LRRC4C: variants seen among roughly 807,000 people sequenced by gnomAD.
LRRC4C encodes the protein leucine rich repeat containing 4C.
Under a neutral mutation model 33.6 loss-of-function variants are expected in LRRC4C, and 5 were observed. The observed-to-expected ratio is 0.15, with a 90% CI of 0.08 to 0.31. The LOEUF (loss-of-function observed/expected upper bound fraction) is 0.31, where lower values mean the gene tolerates loss of function less well. Among genes scored for constraint, LRRC4C ranks in the 10% least tolerant of loss-of-function variants. LRRC4C has a pLI of 1.00. For missense variants in LRRC4C, 560 were observed against 796.7 expected, an observed-to-expected ratio of 0.70 and a Z score of 3.58; for synonymous variants, 329 against 302.0, an observed-to-expected ratio of 1.09 and a Z score of -0.93.
chr11:40,787,499 T>A (rs1950459411), intron 2 of LRRC4C, among the ~76,000 whole-genome samples: 1 of 152,216 alleles, frequency 6.6e-6, no homozygotes, highest in Non-Finnish European at 1.5e-5. Flanking sequence ...TTCAACGTGA[T>A]CCCATCTAGT....
chr11:40,933,097 T>G (rs1406140212), intron 2 of LRRC4C, among the ~76,000 whole-genome samples: 4 of 152,116 alleles, frequency 2.6e-5, no homozygotes, highest in Non-Finnish European at 4.4e-5. Context: ...TAAAGCTAAG[T>G]GTAGTGTCTG....
chr11:40,226,705 A>G (rs755117325), intron 5 of LRRC4C, among the ~76,000 whole-genome samples: 1 of 152,200 alleles, frequency 6.6e-6, no homozygotes, highest in Non-Finnish European at 1.5e-5. Context: ...AATAAGCGCT[A>G]TGATCCTGAG....
At chr11:41,215,081 CA>C (rs948789863) in intron 1 of LRRC4C, among the ~76,000 whole-genome samples, 4 of 145,214 alleles carry the variant, frequency 2.8e-5, no homozygotes, top group Non-Finnish European at 4.5e-5. Context: ...AATTTATATG[CA>C]AAAAAATCAC....
rs1948174513 is a variant in LRRC4C, at chr11:41,239,718, C to A, written c.-496+219713G>T. ...TGTACTTTTGTTTTTCTCTTCCATT[C>A]CAACAGAACATGAGTTCCAAGGTCA... On this transcript the variant is annotated intron_variant, in intron 1 of 6. Transcript: ENST00000528697. 3.3e-5 allele frequency among the ~76,000 whole-genome samples: 5 copies of A among 152,038 alleles called. No homozygotes were observed. The South Asian group carries it at 1.0e-3, about 32-fold the overall frequency.
At chr11:40,450,429 A>C (rs984321767) in intron 3 of LRRC4C, among the ~76,000 whole-genome samples, 8 of 152,130 alleles carry the variant, frequency 5.3e-5, no homozygotes, top group African/African-American at 1.9e-4. Context: ...ATAGGTAAAA[A>C]TATTTATTAT....
chr11:40,976,181 C>A (rs1852073200), intron 1 of LRRC4C, among the ~76,000 whole-genome samples: 1 of 152,164 alleles, frequency 6.6e-6, no homozygotes. Context: ...TATCTCCTTG[C>A]ACTTGGCTTT....
At chr11:40,184,135 C>T (rs1289616269) in intron 5 of LRRC4C, among the ~76,000 whole-genome samples, 1 of 152,116 alleles carries the variant, frequency 6.6e-6, no homozygotes, top group Non-Finnish European at 1.5e-5. Flanking sequence ...TGGGACAGTT[C>T]TGGTTTATGA....
chr11:41,399,294 C>A (rs1175017236), intron 1 of LRRC4C, among the ~76,000 whole-genome samples: 1 of 151,904 alleles, frequency 6.6e-6, no homozygotes, highest in Non-Finnish European at 1.5e-5. Flanking sequence ...ATCTTGAACA[C>A]AGCAGAGGGG....
At chr11:40,633,353 C>CTT (rs1487684001) in intron 3 of LRRC4C, among the ~76,000 whole-genome samples, 3 of 39,396 alleles carry the variant, frequency 7.6e-5, no homozygotes, top group African/African-American at 4.1e-4. Flanking sequence ...TTCTTTCTTT[C>CTT]TTTCTTTCTT....
At chr11:40,434,480 G>C (rs1951062253) in intron 3 of LRRC4C, among the ~76,000 whole-genome samples, 1 of 152,146 alleles carries the variant, frequency 6.6e-6, no homozygotes, top group Non-Finnish European at 1.5e-5. Context: ...CAAGACACAC[G>C]ACTGCTCAGT....
At chr11:40,444,988 G>A (rs539644105) in intron 3 of LRRC4C, among the ~76,000 whole-genome samples, 1 of 152,288 alleles carries the variant, frequency 6.6e-6, no homozygotes, top group Non-Finnish European at 1.5e-5. Flanking sequence ...AAATCTTAGT[G>A]ATCAGTTACC....
At chr11:40,308,386 C>T (rs1945141492) in intron 4 of LRRC4C, among the ~76,000 whole-genome samples, 2 of 152,184 alleles carry the variant, frequency 1.3e-5, no homozygotes, top group Non-Finnish European at 1.5e-5. Context: ...AAATATGTTA[C>T]ATTGAATAAT....
At chr11:40,749,912 AC>A (rs1383831438) in intron 2 of LRRC4C, among the ~76,000 whole-genome samples, 2 of 152,178 alleles carry the variant, frequency 1.3e-5, no homozygotes, top group Non-Finnish European at 2.9e-5. Context: ...CTGGAAATAC[AC>A]AATCTACCAA....
intron 1 of LRRC4C, among the ~76,000 whole-genome samples, chr11:41,114,866 C>T (rs1305060911): frequency 6.6e-6 from 1 of 151,892 alleles, no homozygotes; most frequent in Non-Finnish European, 1.5e-5. Flanking sequence ...GTTGTAATAG[C>T]TTAGTAAATA....
At chr11:40,423,202 T>C (rs543799742) in intron 3 of LRRC4C, among the ~76,000 whole-genome samples, 10 of 152,228 alleles carry the variant, frequency 6.6e-5, no homozygotes, top group Middle Eastern at 3.4e-3. Flanking sequence ...TTTAAGAAAG[T>C]GATAACACAG....
rs114169698 is a variant in LRRC4C, at chr11:41,298,268, A to G, written c.-496+161163T>C. Among the ~76,000 whole-genome samples the G allele has an allele frequency of 3.0e-3, 462 of 152,268 alleles. 4 individuals are homozygous for G. Among genetic ancestry groups the G allele is most frequent in the African/African-American group, 0.011 (439 of 41,564 alleles). ...TACAAATTACAGACAGAAGAAAGAG[A>G]TAAAAGAAGGGAAGAAGGTCTCTCT... is the stretch of plus-strand genomic sequence containing the variant. On this transcript the variant is annotated intron_variant, in intron 1 of 6. Transcript: ENST00000528697.
At chr11:40,606,233 C>T (rs570185517) in intron 3 of LRRC4C, among the ~76,000 whole-genome samples, 2 of 152,262 alleles carry the variant, frequency 1.3e-5, no homozygotes, top group South Asian at 4.1e-4. Flanking sequence ...GGATATAGGT[C>T]ACTTATTGTA....
At chr11:40,653,547 A>C (rs1435033740) in intron 2 of LRRC4C, among the ~76,000 whole-genome samples, 3 of 152,234 alleles carry the variant, frequency 2.0e-5, no homozygotes, top group Non-Finnish European at 1.5e-5. Context: ...AGCATTCAAG[A>C]GGTAACTTGG....
intron 1 of LRRC4C, among the ~76,000 whole-genome samples, chr11:41,206,689 T>C (rs1946614825): frequency 6.6e-6 from 1 of 152,244 alleles, no homozygotes; most frequent in African/African-American, 2.4e-5. Flanking sequence ...AGCCTGAGGA[T>C]CTTAGTGTAT....
Sources: allele counts gnomAD v4.1 joint callset (sites outside exome capture counted in the v4.1 genomes callset), GRCh38; gene constraint gnomAD v4.1.1; transcripts MANE v1.5; gene names NCBI Gene and HGNC (gene_info 2026-07-23, HGNC 2026-07-21).